USP4: variants seen among roughly 807,000 people sequenced by gnomAD.
USP4 encodes ubiquitin specific peptidase 4.
A neutral mutation model predicts 118.2 loss-of-function variants in USP4; 72 were observed. That is an observed-to-expected ratio of 0.61 (90% CI 0.50 to 0.74). The LOEUF (loss-of-function observed/expected upper bound fraction) is 0.74. USP4 is among the 30% of genes least tolerant of loss of function. USP4 has a pLI of 0.00. For synonymous variants in USP4, 415 were observed against 440.4 expected (o/e 0.94, Z 0.72); for missense variants, 1,037 against 1,185.7 (o/e 0.87, Z 1.84).
intron 6 of USP4, among the ~76,000 whole-genome samples, chr3:49,314,988 T>C (rs909248662): frequency 2.6e-5 from 4 of 152,116 alleles, no homozygotes; most frequent in Non-Finnish European, 5.9e-5. Context: ...TATTTGATGT[T>C]TAAAATGTTC....
chr3:49,317,306 T>C, intron 6 of USP4: 1 of 1,444,442 alleles, frequency 6.9e-7, no homozygotes, highest in African/African-American at 1.4e-5. Flanking sequence ...CAGGCCAGCT[T>C]CTCTGTCAGC....
chr3:49,287,620 G>A (rs112702444), intron 15 of USP4, among the ~76,000 whole-genome samples: 2,991 of 152,004 alleles, frequency 0.02, 79 homozygotes, highest in African/African-American at 0.067. Context: ...TTACAGGCAC[G>A]CACCACCACG....
At chr3:49,282,279 A>T (rs2047038986) in intron 19 of USP4, among the ~76,000 whole-genome samples, 2 of 147,380 alleles carry the variant, frequency 1.4e-5, no homozygotes, top group African/African-American at 4.9e-5. Context: ...AAGATAAAGA[A>T]TTTTTTTTTT....
intron 6 of USP4, chr3:49,317,546 T>C (rs550370785): frequency 1.3e-5 from 7 of 545,854 alleles, no homozygotes; most frequent in African/African-American, 3.9e-5. Flanking sequence ...TTGTTTGTTT[T>C]TTTTTTTTTT....
Position 49,292,593 on chromosome 3 carries a change from T to A in USP4, c.1889A>T (p.Tyr630Phe). 6.3e-7 allele frequency: 1 copy of A among 1,581,184 alleles called. No homozygotes were observed. The highest frequency in any genetic ancestry group is 8.6e-7 in the Non-Finnish European group (1 of 1,165,676). The change falls in exon 15 of 22, where the codon TAT becomes TTT. Residue 630 changes from tyrosine to phenylalanine, a missense_variant. By Grantham distance (22) the Tyr-to-Phe change is conservative. Coordinates refer to ENST00000265560, the MANE Select transcript of USP4 (RefSeq NM_003363.4). ...YQAVCDRISR[Y>F]VKQPLPDEFG... is the part of the protein sequence containing the mutation. Reference sequence around the variant, plus strand: ...CTCATCAGGTAAAGGCTGTTTCACATAGCGGCTTCAAAAAGAGAAAAAGAG... The same window carrying A: ...CTCATCAGGTAAAGGCTGTTTCACAAAGCGGCTTCAAAAAGAGAAAAAGAG...
chr3:49,277,359 C>CG lies in USP4; in HGVS notation c.*933dup. 1 of 718,668 alleles carries CG rather than the reference C, an allele frequency of 1.4e-6. No homozygotes were observed. Among genetic ancestry groups the CG allele is most frequent in the Non-Finnish European group, 2.0e-6 (1 of 507,624 alleles). 44.5% of individuals were successfully genotyped at this position (718,668 alleles called of 1,614,324 possible). A position where few individuals can be genotyped will look rare whatever the true frequency, so the allele number is the denominator to read the frequency against. The stretch of plus-strand genomic sequence containing the variant: ...GCTGGCCCCGCGGTGGGAGTGGGGA[C>CG]GGGGCTTTCGAATGGGGGCCCCGGG... On this transcript the variant is annotated 3_prime_UTR_variant, in exon 22 of 22. Transcript: ENST00000265560.
intron 10 of USP4, 27 bp downstream of exon 10, chr3:49,302,357 A>G (rs758030382): frequency 6.2e-7 from 1 of 1,607,774 alleles, no homozygotes; most frequent in South Asian, 1.1e-5. Context: ...TTGGCATATT[A>G]TCATTCAGAC....
At chr3:49,299,396 C>CTT (rs759272476) in intron 11 of USP4, among the ~76,000 whole-genome samples, 7 of 126,076 alleles carry the variant, frequency 5.6e-5, no homozygotes, top group Admixed American at 8.3e-5. Context: ...CCTGCCTCAA[C>CTT]TTTTTTTTTT....
Position 49,280,478 on chromosome 3 carries a change from G to A in USP4, c.2644+266C>T, listed in dbSNP as rs140228829. Among the ~76,000 whole-genome samples, 397 of 150,990 alleles carry A rather than the reference G, an allele frequency of 2.6e-3. 1 individual carries two copies. The highest frequency in any genetic ancestry group is 3.6e-3 in the Non-Finnish European group (245 of 67,824). On this transcript the variant is annotated intron_variant, in intron 20 of 21. Transcript: ENST00000265560. ...CAGGAGGCTGAGGCAGGAGAATGGCGTGAACCTGGGAGGCAGAGCTTGCAG... is the reference window on the plus strand; with the variant it reads ...CAGGAGGCTGAGGCAGGAGAATGGCATGAACCTGGGAGGCAGAGCTTGCAG...
intron 6 of USP4, among the ~76,000 whole-genome samples, chr3:49,313,525 T>C (rs996745067): frequency 6.7e-6 from 1 of 149,670 alleles, no homozygotes; most frequent in East Asian, 2.0e-4. Context: ...CAAAACTCCA[T>C]CTCAAAAAAA....
intron 8 of USP4, among the ~76,000 whole-genome samples, chr3:49,308,122 C>T (rs2047338808): frequency 1.3e-5 from 2 of 152,076 alleles, no homozygotes; most frequent in Admixed American, 6.6e-5. Flanking sequence ...GTCTGTTTGC[C>T]TGGTGGGCCT....
chr3:49,285,386 A>G (rs1423203345), intron 16 of USP4, among the ~76,000 whole-genome samples: 4 of 151,972 alleles, frequency 2.6e-5, no homozygotes, highest in Non-Finnish European at 5.9e-5. Flanking sequence ...GAGAGAGGGG[A>G]AGATTAAGCT....
intron 15 of USP4, among the ~76,000 whole-genome samples, chr3:49,291,258 C>A (rs1264043581): frequency 6.7e-6 from 1 of 149,442 alleles, no homozygotes; most frequent in Admixed American, 6.7e-5. Context: ...GTCACCGCAC[C>A]CAGCCTCAAG....
intron 15 of USP4, 79 bp downstream of exon 15, chr3:49,292,431 G>A (rs1338992859): frequency 3.2e-6 from 3 of 937,170 alleles, no homozygotes; most frequent in Non-Finnish European, 4.6e-6. Context: ...CTTCTCCCAT[G>A]TGTGTAACAC....
intron 19 of USP4, among the ~76,000 whole-genome samples, chr3:49,281,491 TACACACACACACACACACAC>T (rs71077782): frequency 2.6e-4 from 33 of 126,540 alleles, no homozygotes; most frequent in Admixed American, 5.7e-4. Context: ...TATATATATA[TACACACACACACACACACAC>T]ACACACACAC....
intron 1 of USP4, among the ~76,000 whole-genome samples, chr3:49,338,912 C>A (rs1247348842): frequency 6.6e-6 from 1 of 152,120 alleles, no homozygotes; most frequent in African/African-American, 2.4e-5. Context: ...CTTTGGGAGG[C>A]CGAGGCGGGT....
At chr3:49,283,867 A>G (rs1221605604) in intron 19 of USP4, 120 bp downstream of exon 19, 17 of 1,216,066 alleles carry the variant, frequency 1.4e-5, no homozygotes, top group Non-Finnish European at 1.6e-5. Context: ...GACCTCCTAG[A>G]CCCCGGCAAC....
Position 49,280,865 on chromosome 3 carries a change from A to T in USP4, c.2541-18T>A. ...TCAGCCCTCTGAGCACAAAACACAA[A>T]AATAGTTATTGAATATGTTAAACCC... On this transcript the variant is annotated intron_variant, in intron 19 of 21. Coordinates refer to ENST00000265560, the MANE Select transcript of USP4 (RefSeq NM_003363.4). 1 of 1,609,544 alleles carries T rather than the reference A, an allele frequency of 6.2e-7. No individual in the cohort carries two copies. Among genetic ancestry groups the T allele is most frequent in the Non-Finnish European group, 8.5e-7 (1 of 1,176,168 alleles).
chr3:49,336,531 C>A (rs1276795368), intron 1 of USP4, among the ~76,000 whole-genome samples: 1 of 146,510 alleles, frequency 6.8e-6, no homozygotes, highest in Non-Finnish European at 1.5e-5. Flanking sequence ...TCATTAACTT[C>A]TTTTTTTTTT....
Sources: allele counts gnomAD v4.1 joint callset (sites outside exome capture counted in the v4.1 genomes callset), GRCh38; gene constraint gnomAD v4.1.1; transcripts MANE v1.5; gene names NCBI Gene and HGNC (gene_info 2026-07-23, HGNC 2026-07-21).